FAM186B: variants seen among roughly 807,000 people sequenced by gnomAD.
The protein encoded by FAM186B is protein FAM186B.
Under a neutral mutation model 83.4 loss-of-function variants are expected in FAM186B, and 68 were observed. The ratio of observed to expected loss-of-function variants is 0.81; its 90% CI spans 0.67 to 1.00. The LOEUF (loss-of-function observed/expected upper bound fraction) is 1.00, where lower values mean the gene tolerates loss of function less well. Among genes scored for constraint, FAM186B ranks in the 50% least tolerant of loss-of-function variants. The probability of loss-of-function intolerance (pLI) is 0.00; values close to 1 mark genes in which losing one functional copy is unlikely to be tolerated. For synonymous variants in FAM186B, 389 were observed against 422.0 expected (o/e 0.92, Z 0.96); for missense variants, 983 against 1,099.2 (o/e 0.89, Z 1.49).
chr12:49,614,388 T>C, the FAM186B span, among the ~76,000 whole-genome samples: 101 of 152,242 alleles, frequency 6.6e-4, no homozygotes, highest in African/African-American at 2.3e-3. Flanking sequence ...CATGGAATAC[T>C]AGACAGCCAT....
Position 49,591,325 on chromosome 12 carries a change from T to A in FAM186B, c.2365-2702A>T, listed in dbSNP as rs538642565. 2.0e-5 allele frequency among the ~76,000 whole-genome samples: 3 copies of A among 152,244 alleles called. No homozygotes were observed. In the South Asian group the frequency reaches 6.2e-4, roughly 32 times the overall value. On this transcript the variant is annotated intron_variant, in intron 5 of 6. Coordinates refer to ENST00000257894, the MANE Select transcript of FAM186B (RefSeq NM_032130.3). ...AGGCCTGGGAGGAAACCACCAAGGC[T>A]GGGGGAAGAATCACTGGGCAAGAAC...
the FAM186B span, among the ~76,000 whole-genome samples, chr12:49,613,900 G>A: frequency 6.6e-6 from 1 of 151,868 alleles, no homozygotes; most frequent in African/African-American, 2.4e-5. Flanking sequence ...CGTAACCCTA[G>A]CACTTTGGGA....
At chr12:49,610,214 T>C (rs1940071092), upstream of FAM186B, among the ~76,000 whole-genome samples, 1 of 150,080 alleles carries the variant, frequency 6.7e-6, no homozygotes, top group Non-Finnish European at 1.5e-5. Flanking sequence ...ACACACAAAT[T>C]AGAATTGCCA....
At position 49,599,686 on chromosome 12, in the gene FAM186B, T is replaced by G; in HGVS notation, c.1954A>C (p.Ile652Leu). The change falls in exon 4 of 7, where the codon ATA becomes CTA. Residue 652 changes from isoleucine (I) to leucine (L), a missense_variant. By Grantham distance (5) the Ile-to-Leu change is conservative. Transcript: ENST00000257894. ...IRRLTWPSLQ[I>L]SPANIKKKVY... is the part of the protein sequence containing the mutation. ...TTCTTCTTAATATTTGCAGGGGATA[T>G]CTGCAAAGAGGGCCAGGTCAGCCTT... is the stretch of plus-strand genomic sequence containing the variant. 1 of 1,608,616 alleles carries G rather than the reference T, an allele frequency of 6.2e-7. No individual in the cohort carries two copies. Among genetic ancestry groups the G allele is most frequent in the Non-Finnish European group, 8.5e-7 (1 of 1,177,416 alleles).
At chr12:49,615,935 G>T in the FAM186B span, among the ~76,000 whole-genome samples, 5 of 152,072 alleles carry the variant, frequency 3.3e-5, no homozygotes, top group African/African-American at 1.2e-4. Flanking sequence ...TAAAAAGTGT[G>T]ACAATACCAA....
intron 5 of FAM186B, chr12:49,593,226 A>C (rs1271333443): frequency 6.6e-6 from 1 of 152,252 alleles, no homozygotes; most frequent in Non-Finnish European, 1.5e-5. Context: ...ATATAGACAC[A>C]GAGGTTAACA....
downstream of FAM186B, among the ~76,000 whole-genome samples, chr12:49,585,308 A>G (rs1227069768): frequency 6.6e-6 from 1 of 152,100 alleles, no homozygotes; most frequent in Non-Finnish European, 1.5e-5. Flanking sequence ...GTGAGCCACT[A>G]TGCCCGGCCT....
chr12:49,601,431 G>A (rs1033362953), intron 3 of FAM186B, among the ~76,000 whole-genome samples: 27 of 152,172 alleles, frequency 1.8e-4, no homozygotes, highest in African/African-American at 6.5e-4. Context: ...GGTCTTCCAT[G>A]TTCTCCTGGG....
chr12:49,605,635 C>A lies in FAM186B; in HGVS notation c.-158G>T. On this transcript the variant is annotated 5_prime_UTR_variant, in exon 1 of 7. Coordinates refer to ENST00000257894, the MANE Select transcript of FAM186B (RefSeq NM_032130.3). ...CTGGTAACTGCCAAACACCAGGTTC[C>A]AACTGATCCTCTTTTCCCCAGTGAC... 6.2e-6 allele frequency: 4 copies of A among 648,194 alleles called. No homozygotes were observed. The highest frequency in any genetic ancestry group is 1.0e-5 in the Non-Finnish European group (4 of 388,352). 40.2% of individuals were successfully genotyped at this position (648,194 alleles called of 1,614,324 possible).
upstream of FAM186B, among the ~76,000 whole-genome samples, chr12:49,610,168 G>A (rs1232878994): frequency 6.7e-6 from 1 of 149,862 alleles, no homozygotes; most frequent in Non-Finnish European, 1.5e-5. Flanking sequence ...CGATATTATA[G>A]GGAAAGAAAT....
intron 6 of FAM186B, 65 bp from the exon 7 acceptor site, chr12:49,587,817 C>G (rs1468919179): frequency 1.3e-6 from 2 of 1,540,072 alleles, no homozygotes; most frequent in East Asian, 2.2e-5. Context: ...AAGAGACTCT[C>G]CAGAGCCATC....
upstream of FAM186B, among the ~76,000 whole-genome samples, chr12:49,609,644 C>T (rs999872193): frequency 1.3e-5 from 2 of 152,232 alleles, no homozygotes; most frequent in African/African-American, 4.8e-5. Flanking sequence ...ACACCTGGAG[C>T]ATGCACTCTC....
Position 49,598,932 on chromosome 12 carries a change from G to A in FAM186B, c.2187C>T (p.Asn729=). The A allele has an allele frequency of 6.2e-7, 1 of 1,613,884 alleles. No homozygotes were observed. Among genetic ancestry groups the A allele is most frequent in the Non-Finnish European group, 8.5e-7 (1 of 1,179,976 alleles). Residue 729 remains asparagine (N), a synonymous_variant, in exon 5 of 7, where the codon AAC becomes AAT. Transcript: ENST00000257894. ...CCGTTTCTTTCATGATTTGTACATG[G>A]TTGATCGCTTCTTGCCTGGGAAAAG... ...RLQSLRQEAI[N]HVQIMKETEA...
chr12:49,605,487 C>T lies in FAM186B; in HGVS notation c.-10G>A. 1 of 1,611,332 alleles carries T rather than the reference C, an allele frequency of 6.2e-7. No individual in the cohort carries two copies. ...GGTCATCCTTCTCCATTTTGGATCA[C>T]TCTGTCAGTCACAAAACATCCTGTG... On this transcript the variant is annotated 5_prime_UTR_variant, in exon 1 of 7. The change creates a new upstream start codon in the 5' untranslated region. Transcript: ENST00000257894.
At chr12:49,586,917 G>C (rs566061559), downstream of FAM186B, among the ~76,000 whole-genome samples, 1 of 152,192 alleles carries the variant, frequency 6.6e-6, no homozygotes, top group African/African-American at 2.4e-5. Flanking sequence ...TCAGGCTCTT[G>C]GCTCTGGTTA....
At chr12:49,618,298 T>G in the FAM186B span, among the ~76,000 whole-genome samples, 1 of 150,520 alleles carries the variant, frequency 6.6e-6, no homozygotes, top group Non-Finnish European at 1.5e-5. Flanking sequence ...TGAGCTGAGA[T>G]CACGCCACTG....
intron 5 of FAM186B, chr12:49,595,205 C>A: frequency 1.7e-6 from 1 of 594,118 alleles, no homozygotes; most frequent in South Asian, 1.7e-5. Flanking sequence ...ATGAGGCAAG[C>A]TGGGATTAAG....
the FAM186B span, among the ~76,000 whole-genome samples, chr12:49,611,276 G>A: frequency 1.2e-4 from 19 of 152,142 alleles, no homozygotes; most frequent in Non-Finnish European, 2.5e-4. Context: ...AGGAGGCTGA[G>A]GCAGGAGAAT....
In FAM186B at chr12:49,595,222, A is replaced by G. The variant is rs879144912; in HGVS notation, c.2364+3533T>C. 2.2e-5 allele frequency: 14 copies of G among 641,654 alleles called. 1 individual carries two copies. Among genetic ancestry groups the G allele is most frequent in the African/African-American group, 5.5e-5 (3 of 54,336 alleles). The allele number at this position is 641,654 out of a possible 1,614,324, so 39.7% of individuals were successfully genotyped here. A position where few individuals can be genotyped will look rare whatever the true frequency, so the allele number is the denominator to read the frequency against. On this transcript the variant is annotated intron_variant, in intron 5 of 6. Transcript: ENST00000257894. ...GAGGCAAGCTGGGATTAAGGTCACC[A>G]TTGCAGGTCTGGCTGGAAAAGACCC...
Sources: allele counts gnomAD v4.1 joint callset (sites outside exome capture counted in the v4.1 genomes callset), GRCh38; gene constraint gnomAD v4.1.1; transcripts MANE v1.5; gene names NCBI Gene and HGNC (gene_info 2026-07-23, HGNC 2026-07-21).